The following NOL4 variants were observed in gnomAD, a reference collection of about 807,000 sequenced individuals.
NOL4 encodes cancer/testis antigen 125.
In NOL4, 17 loss-of-function variants were observed where a neutral mutation model predicts 75.9. The observed-to-expected ratio is 0.22, with a 90% confidence interval of 0.15 to 0.34. The LOEUF (loss-of-function observed/expected upper bound fraction) is 0.34, where lower values mean the gene tolerates loss of function less well. NOL4 is among the 10% of genes least tolerant of loss of function. The probability of loss-of-function intolerance (pLI) is 1.00; values close to 1 mark genes in which losing one functional copy is unlikely to be tolerated. For synonymous variants in NOL4, 292 were observed against 289.9 expected (o/e 1.01, Z -0.07); for missense variants, 614 against 793.5 (o/e 0.77, Z 2.72).
chr18:34,098,715 AC>A (rs2078904115), intron 4 of NOL4, among the ~76,000 whole-genome samples: 1 of 152,176 alleles, frequency 6.6e-6, no homozygotes, highest in African/African-American at 2.4e-5. Flanking sequence ...GCTTAAAAAA[AC>A]AAATAGTTAA....
intron 9 of NOL4, among the ~76,000 whole-genome samples, chr18:33,902,516 T>G (rs1257640078): frequency 6.6e-6 from 1 of 152,148 alleles, no homozygotes; most frequent in Non-Finnish European, 1.5e-5. Flanking sequence ...CAACTTGATA[T>G]TGTACTCAGC....
chr18:34,048,113 T>C (rs1026111192), intron 5 of NOL4, among the ~76,000 whole-genome samples: 2 of 152,144 alleles, frequency 1.3e-5, no homozygotes, highest in African/African-American at 4.8e-5. Flanking sequence ...TCCATGAATA[T>C]TTTTTCTCTC....
chr18:33,943,189 A>AG lies in NOL4; in HGVS notation c.1429-12_1429-11insC, dbSNP rs746656423. The AG allele has an allele frequency of 2.5e-5, 40 of 1,588,832 alleles. No homozygotes were observed. In the African/African-American group the frequency reaches 4.1e-4, roughly 16 times the overall value. On this transcript the variant is annotated splice_polypyrimidine_tract_variant and intron_variant, in intron 8 of 10. Transcript: ENST00000261592. Reference sequence around the variant, plus strand: ...AGGAATAGGTCGAGACTAAAAAAAAAAAGAGAAAAGTATGAAAAAAATTAT... The same window carrying AG: ...AGGAATAGGTCGAGACTAAAAAAAAAGAAGAGAAAAGTATGAAAAAAATTAT...
At chr18:34,139,463 A>T (rs7240044) in intron 1 of NOL4, among the ~76,000 whole-genome samples, 2 of 151,898 alleles carry the variant, frequency 1.3e-5, no homozygotes, top group Non-Finnish European at 2.9e-5. Flanking sequence ...GTTTATTTGC[A>T]TAGAGGTGTT....
chr18:34,128,668 A>C (rs2080493290), intron 2 of NOL4, among the ~76,000 whole-genome samples: 1 of 151,964 alleles, frequency 6.6e-6, no homozygotes, highest in South Asian at 2.1e-4. Context: ...CTGCCCACAA[A>C]CCATGCAATT....
At chr18:33,873,652 T>C (rs1484824796) in intron 10 of NOL4, among the ~76,000 whole-genome samples, 1 of 151,996 alleles carries the variant, frequency 6.6e-6, no homozygotes, top group Admixed American at 6.6e-5. Context: ...TTAAGAGGCA[T>C]AATATTTTAT....
chr18:34,201,837 A>C (rs1228973835), intron 1 of NOL4, among the ~76,000 whole-genome samples: 1 of 151,822 alleles, frequency 6.6e-6, no homozygotes, highest in Non-Finnish European at 1.5e-5. Context: ...CATTAATATA[A>C]ATTTTATATT....
chr18:34,199,745 G>A (rs1355273211), intron 1 of NOL4, among the ~76,000 whole-genome samples: 1 of 151,756 alleles, frequency 6.6e-6, no homozygotes, highest in African/African-American at 2.4e-5. Context: ...TATGGCATAA[G>A]GTTAGAAAAA....
chr18:34,007,087 C>T (rs2074073497), intron 6 of NOL4, among the ~76,000 whole-genome samples: 2 of 151,988 alleles, frequency 1.3e-5, no homozygotes, highest in Admixed American at 1.3e-4. Flanking sequence ...GGAGACACAA[C>T]AATGATTCTG....
At chr18:34,098,808 C>A (rs1363141745) in intron 4 of NOL4, among the ~76,000 whole-genome samples, 1 of 152,130 alleles carries the variant, frequency 6.6e-6, no homozygotes, top group East Asian at 1.9e-4. Context: ...AATATCCAAT[C>A]TTCTCTCTAC....
At chr18:33,954,628 T>C (rs1336631779) in intron 8 of NOL4, among the ~76,000 whole-genome samples, 2 of 151,964 alleles carry the variant, frequency 1.3e-5, no homozygotes, top group African/African-American at 2.4e-5. Context: ...GATGGAGCAA[T>C]GCTCTGAAGA....
At chr18:34,018,591 T>C (rs2074846344) in intron 6 of NOL4, among the ~76,000 whole-genome samples, 1 of 152,080 alleles carries the variant, frequency 6.6e-6, no homozygotes, top group Non-Finnish European at 1.5e-5. Context: ...TGTTCCAAAG[T>C]ACACCTTCAA....
At chr18:34,007,661 G>C (rs1260723535) in intron 6 of NOL4, among the ~76,000 whole-genome samples, 1 of 151,842 alleles carries the variant, frequency 6.6e-6, no homozygotes, top group Non-Finnish European at 1.5e-5. Flanking sequence ...CGCTATATTA[G>C]GGTATTTAAT....
chr18:34,140,133 T>C (rs1288721946), intron 1 of NOL4, among the ~76,000 whole-genome samples: 3 of 152,178 alleles, frequency 2.0e-5, no homozygotes, highest in African/African-American at 7.2e-5. Context: ...TGTGATGTGG[T>C]GCTGAGAAGA....
At chr18:34,014,966 C>T (rs1382397374) in intron 6 of NOL4, among the ~76,000 whole-genome samples, 1 of 151,982 alleles carries the variant, frequency 6.6e-6, no homozygotes, top group Non-Finnish European at 1.5e-5. Context: ...CAATATTAAA[C>T]TCACTGGAAT....
At chr18:34,158,689 T>C (rs560332899) in intron 1 of NOL4, 49 of 152,340 alleles carry the variant, frequency 3.2e-4, no homozygotes, top group African/African-American at 1.1e-3. Flanking sequence ...TAAATAGCTA[T>C]ATATCCTTCT....
chr18:34,107,298 A>C (rs553560691), intron 2 of NOL4, among the ~76,000 whole-genome samples: 3 of 152,146 alleles, frequency 2.0e-5, no homozygotes, highest in Non-Finnish European at 4.4e-5. Context: ...TAATGGTCAA[A>C]AATGTTTGTG....
intron 9 of NOL4, among the ~76,000 whole-genome samples, chr18:33,919,983 C>A (rs572812472): frequency 3.3e-5 from 5 of 152,176 alleles, no homozygotes; most frequent in Non-Finnish European, 7.3e-5. Context: ...ATATTTTCTA[C>A]ATTCATGAAA....
intron 1 of NOL4, among the ~76,000 whole-genome samples, chr18:34,181,300 C>T (rs1472818854): frequency 6.6e-6 from 1 of 151,376 alleles, no homozygotes; most frequent in Non-Finnish European, 1.5e-5. Flanking sequence ...GACAAGGGTG[C>T]CAAGACAATT....
Sources: gnomAD v4.1 joint callset for allele counts (sites outside exome capture counted in the v4.1 genomes callset) on GRCh38, gnomAD v4.1.1 for gene constraint, MANE v1.5 for transcripts, NCBI Gene and HGNC (gene_info 2026-07-23, HGNC 2026-07-21) for gene names.